PDGFD: variants seen among roughly 807,000 people sequenced by gnomAD.
PDGFD encodes platelet-derived growth factor D.
A neutral mutation model predicts 44.7 loss-of-function variants in PDGFD; 30 were observed. The ratio of observed to expected loss-of-function variants is 0.67; its 90% CI spans 0.50 to 0.91. The LOEUF is 0.91. Ranked by LOEUF, PDGFD falls within the 40% of genes least tolerant of loss-of-function variation. PDGFD has a pLI of 0.00. For missense variants in PDGFD, 445 were observed against 457.8 expected (o/e 0.97, Z 0.25); for synonymous variants, 173 against 168.4 (o/e 1.03, Z -0.21).
intron 1 of PDGFD, among the ~76,000 whole-genome samples, chr11:104,097,165 A>G (rs143739783): frequency 1.6e-4 from 24 of 152,288 alleles, no homozygotes; most frequent in African/African-American, 3.8e-4. Context: ...TATTTTGCGC[A>G]GTGCTAACAT....
In PDGFD at chr11:103,909,410, C is replaced by G; in HGVS notation, c.*284G>C. ...ATATATACCAAAAAAAACATTTGAT[C>G]TATATACACATAGACATGAATATAT... On this transcript the variant is annotated 3_prime_UTR_variant, in exon 7 of 7. Coordinates refer to ENST00000393158, the MANE Select transcript of PDGFD (RefSeq NM_025208.5). The G allele has an allele frequency of 7.3e-6, 2 of 274,370 alleles. No homozygotes were observed. Among genetic ancestry groups the G allele is most frequent in the Non-Finnish European group, 1.4e-5 (2 of 143,034 alleles). The allele number at this position is 274,370 out of a possible 1,614,324, so 17.0% of individuals were successfully genotyped here. A position where few individuals can be genotyped will look rare whatever the true frequency, so the allele number is the denominator to read the frequency against.
chr11:104,157,348 G>C (rs1862321028), intron 1 of PDGFD, among the ~76,000 whole-genome samples: 5 of 152,068 alleles, frequency 3.3e-5, no homozygotes, highest in Admixed American at 3.3e-4. Flanking sequence ...TCACAGCCTC[G>C]GCCTTGCGGA....
rs956864367 is a variant in PDGFD, at chr11:104,105,449, G to GA, written c.124+58354dup. Among the ~76,000 whole-genome samples the GA allele has an allele frequency of 6.0e-5, 9 of 150,526 alleles. No individual in the cohort carries two copies. In the East Asian group the frequency reaches 7.8e-4, roughly 13 times the overall value. ...ATTAAAGTTGAGAGCAAACTATGGA[G>GA]AAAAAAAAATAAACCATGTTTACAT... On this transcript the variant is annotated intron_variant, in intron 1 of 6. Coordinates refer to ENST00000393158, the MANE Select transcript of PDGFD (RefSeq NM_025208.5).
chr11:104,135,533 A>G (rs11226198), intron 1 of PDGFD, among the ~76,000 whole-genome samples: 19,816 of 152,170 alleles, frequency 0.13, 1,427 homozygotes, highest in East Asian at 0.29. Flanking sequence ...GACTGGGTGA[A>G]ATGAGGCTTG....
At chr11:104,123,299 A>C (rs777438059) in intron 1 of PDGFD, among the ~76,000 whole-genome samples, 14 of 151,946 alleles carry the variant, frequency 9.2e-5, no homozygotes, top group African/African-American at 3.1e-4. Context: ...CAATAATGTC[A>C]TTTTTCTTTT....
intron 1 of PDGFD, among the ~76,000 whole-genome samples, chr11:104,041,627 A>G (rs559242025): frequency 6.6e-5 from 10 of 152,294 alleles, no homozygotes; most frequent in African/African-American, 2.4e-4. Context: ...GCTCACTTAA[A>G]TAACCATCTT....
chr11:104,149,987 A>T (rs902034091), intron 1 of PDGFD, among the ~76,000 whole-genome samples: 2 of 152,196 alleles, frequency 1.3e-5, no homozygotes, highest in Non-Finnish European at 2.9e-5. Flanking sequence ...TGACATCAAC[A>T]TACCTAATGT....
intron 3 of PDGFD, among the ~76,000 whole-genome samples, chr11:103,962,563 T>C (rs1000467736): frequency 2.6e-5 from 4 of 152,212 alleles, no homozygotes; most frequent in African/African-American, 9.6e-5. Context: ...AGAAACTCTT[T>C]TGCTACTTAT....
intron 1 of PDGFD, among the ~76,000 whole-genome samples, chr11:104,049,382 G>A (rs755655819): frequency 1.1e-4 from 17 of 152,144 alleles, no homozygotes; most frequent in South Asian, 6.2e-4. Context: ...AAGGACGAAC[G>A]ACAAAGAGAA....
At chr11:104,121,608 T>C (rs1472863909) in intron 1 of PDGFD, among the ~76,000 whole-genome samples, 1 of 152,094 alleles carries the variant, frequency 6.6e-6, no homozygotes, top group Non-Finnish European at 1.5e-5. Context: ...AAGTTCCAGT[T>C]TTTAATTTTT....
At chr11:104,061,005 T>C (rs1336297441) in intron 1 of PDGFD, among the ~76,000 whole-genome samples, 2 of 152,124 alleles carry the variant, frequency 1.3e-5, no homozygotes, top group African/African-American at 4.8e-5. Context: ...AACCTCCCCA[T>C]TTCCTCCTTC....
intron 1 of PDGFD, among the ~76,000 whole-genome samples, chr11:104,062,504 TTTTG>T (rs1276811107): frequency 6.6e-6 from 1 of 152,258 alleles, no homozygotes; most frequent in African/African-American, 2.4e-5. Flanking sequence ...TTACAAGTTT[TTTTG>T]TTAGGCTGCA....
Position 104,007,055 on chromosome 11 carries a change from G to A in PDGFD, c.125-6800C>T, listed in dbSNP as rs1025259447. ...CACTCCTGGATGTTGCTATGGGAGT[G>A]GACCCCAGGGGTCTCATCTGCGTGC... On this transcript the variant is annotated intron_variant, in intron 1 of 6. Transcript: ENST00000393158. Among the ~76,000 whole-genome samples the A allele has an allele frequency of 3.9e-5, 6 of 152,290 alleles. No homozygotes were observed. The Middle Eastern group carries it at 0.01, about 259-fold the overall frequency.
chr11:103,932,164 A>G (rs1292474918), intron 5 of PDGFD, among the ~76,000 whole-genome samples: 2 of 150,960 alleles, frequency 1.3e-5, no homozygotes, highest in Non-Finnish European at 2.9e-5. Flanking sequence ...AGATAGTCCA[A>G]CTTACAATGG....
intron 1 of PDGFD, among the ~76,000 whole-genome samples, chr11:104,162,738 T>C (rs1374189774): frequency 1.3e-5 from 2 of 152,154 alleles, no homozygotes; most frequent in African/African-American, 4.8e-5. Context: ...ACTGATAAGA[T>C]GGCTAATAGG....
intron 1 of PDGFD, among the ~76,000 whole-genome samples, chr11:104,032,750 T>C (rs893297490): frequency 6.6e-6 from 1 of 152,032 alleles, no homozygotes; most frequent in Admixed American, 6.6e-5. Flanking sequence ...TTGGTTAGTA[T>C]GAAATCAGTA....
At chr11:104,060,374 G>A (rs908591928) in intron 1 of PDGFD, among the ~76,000 whole-genome samples, 2 of 152,126 alleles carry the variant, frequency 1.3e-5, no homozygotes, top group African/African-American at 4.8e-5. Flanking sequence ...CTCTGGACCA[G>A]GTAGCTGGCC....
intron 1 of PDGFD, among the ~76,000 whole-genome samples, chr11:104,080,546 G>A (rs1861030182): frequency 6.6e-6 from 1 of 152,142 alleles, no homozygotes; most frequent in Admixed American, 6.5e-5. Context: ...TTTCAGTGCT[G>A]GAACATTTAT....
intron 1 of PDGFD, among the ~76,000 whole-genome samples, chr11:104,142,384 C>A (rs185519594): frequency 6.6e-6 from 1 of 151,950 alleles, no homozygotes; most frequent in African/African-American, 2.4e-5. Flanking sequence ...TATACTCACA[C>A]ACAAATACAA....
Sources: allele counts gnomAD v4.1 joint callset (sites outside exome capture counted in the v4.1 genomes callset), GRCh38; gene constraint gnomAD v4.1.1; transcripts MANE v1.5; gene names NCBI Gene and HGNC (gene_info 2026-07-23, HGNC 2026-07-21).